Variants in CSMD1 observed in about 807,000 individuals in gnomAD.
CSMD1 encodes CUB and sushi domain-containing protein 1.
In CSMD1, 213 loss-of-function variants were observed where a neutral mutation model predicts 417.5. That is an observed-to-expected ratio of 0.51 (90% CI 0.46 to 0.57). The LOEUF (loss-of-function observed/expected upper bound fraction) is 0.57, where lower values mean the gene tolerates loss of function less well. CSMD1 is among the 20% of genes least tolerant of loss of function. The pLI is 0.00. For missense variants in CSMD1, 6,923 were observed against 4,529.7 expected (o/e 1.53, Z -15.17); for synonymous variants, 2,862 against 1,736.8 (o/e 1.65, Z -16.11).
intron 10 of CSMD1, among the ~76,000 whole-genome samples, chr8:3,512,018 C>T (rs972258364): frequency 6.6e-6 from 1 of 152,028 alleles, no homozygotes; most frequent in Non-Finnish European, 1.5e-5. Flanking sequence ...TCTCCAGGCC[C>T]CGCTCCCTGG....
chr8:4,573,340 C>T (rs1048247643), intron 2 of CSMD1, among the ~76,000 whole-genome samples: 1 of 152,228 alleles, frequency 6.6e-6, no homozygotes, highest in Admixed American at 6.5e-5. Context: ...GACGCTATTC[C>T]TCTCTGCTTG....
At chr8:4,101,900 C>T (rs371983229) in intron 3 of CSMD1, among the ~76,000 whole-genome samples, 2 of 152,156 alleles carry the variant, frequency 1.3e-5, no homozygotes, top group South Asian at 2.1e-4. Flanking sequence ...ACTATCTCTC[C>T]TAATAATGTA....
chr8:4,103,115 C>G (rs1014102996), intron 3 of CSMD1, among the ~76,000 whole-genome samples: 1 of 152,092 alleles, frequency 6.6e-6, no homozygotes, highest in Non-Finnish European at 1.5e-5. Context: ...GATTCTATCT[C>G]TGAACACGAG....
At chr8:4,415,898 C>T (rs1314245864) in intron 3 of CSMD1, among the ~76,000 whole-genome samples, 1 of 152,158 alleles carries the variant, frequency 6.6e-6, no homozygotes, top group Non-Finnish European at 1.5e-5. Flanking sequence ...AGGATTGCAA[C>T]TTCTGTAGAT....
At chr8:3,885,557 A>T (rs1806505081) in intron 5 of CSMD1, among the ~76,000 whole-genome samples, 1 of 152,156 alleles carries the variant, frequency 6.6e-6, no homozygotes. Flanking sequence ...CTGTTGCTCC[A>T]CCTAGTAATG....
At chr8:3,355,365 C>T (rs564268546) in intron 21 of CSMD1, among the ~76,000 whole-genome samples, 1 of 152,192 alleles carries the variant, frequency 6.6e-6, no homozygotes, top group Non-Finnish European at 1.5e-5. Context: ...CATATATACT[C>T]TCTAACTTTG....
intron 1 of CSMD1, among the ~76,000 whole-genome samples, chr8:4,923,723 T>G (rs1806657129): frequency 6.6e-6 from 1 of 152,086 alleles, no homozygotes; most frequent in Non-Finnish European, 1.5e-5. Context: ...GTTAGCATGA[T>G]TACAGAAATT....
intron 12 of CSMD1, among the ~76,000 whole-genome samples, chr8:3,434,399 G>A (rs1814416827): frequency 6.6e-6 from 1 of 152,120 alleles, no homozygotes. Context: ...CTGAGCATTT[G>A]TAAAGAGTTC....
intron 12 of CSMD1, among the ~76,000 whole-genome samples, chr8:3,456,812 CA>C (rs1356116470): frequency 6.6e-6 from 1 of 152,042 alleles, no homozygotes; most frequent in Non-Finnish European, 1.5e-5. Flanking sequence ...TACTAAAGGC[CA>C]GGGGTATTCA....
intron 6 of CSMD1, among the ~76,000 whole-genome samples, chr8:3,748,012 T>C (rs551021081): frequency 6.6e-6 from 1 of 152,214 alleles, no homozygotes; most frequent in East Asian, 1.9e-4. Context: ...TTCTATTTTA[T>C]AAAACAAGGT....
At chr8:4,292,029 G>C (rs1200320441) in intron 3 of CSMD1, among the ~76,000 whole-genome samples, 3 of 152,040 alleles carry the variant, frequency 2.0e-5, no homozygotes, top group African/African-American at 7.2e-5. Context: ...TTATTACCTA[G>C]TTACTTTAAT....
chr8:4,950,745 A>G (rs897594886), intron 1 of CSMD1, among the ~76,000 whole-genome samples: 2 of 152,176 alleles, frequency 1.3e-5, no homozygotes, highest in South Asian at 2.1e-4. Flanking sequence ...TTCAAACAAT[A>G]TAGCATTATT....
At chr8:3,680,415 G>A (rs180854694) in intron 7 of CSMD1, among the ~76,000 whole-genome samples, 72 of 152,232 alleles carry the variant, frequency 4.7e-4, no homozygotes, top group African/African-American at 8.2e-4. Flanking sequence ...ACACCTCTAC[G>A]CAAATGAACT....
At chr8:3,963,026 T>C (rs988945232) in intron 5 of CSMD1, among the ~76,000 whole-genome samples, 27 of 152,116 alleles carry the variant, frequency 1.8e-4, no homozygotes, top group Admixed American at 7.2e-4. Flanking sequence ...AACCTCTGCC[T>C]CCGAGGTTCA....
chr8:2,942,253 T>A (rs948542239), intron 69 of CSMD1, among the ~76,000 whole-genome samples: 1 of 151,670 alleles, frequency 6.6e-6, no homozygotes, highest in Non-Finnish European at 1.5e-5. Flanking sequence ...GGTTGATCCA[T>A]GCAGCAGACC....
intron 42 of CSMD1, among the ~76,000 whole-genome samples, chr8:3,116,084 C>G (rs1816849307): frequency 6.6e-6 from 1 of 152,176 alleles, no homozygotes; most frequent in African/African-American, 2.4e-5. Flanking sequence ...CCTCCGCATT[C>G]TTATGAAGCA....
intron 10 of CSMD1, among the ~76,000 whole-genome samples, chr8:3,511,426 G>A (rs144814727): frequency 1.2e-4 from 18 of 151,654 alleles, no homozygotes; most frequent in African/African-American, 2.2e-4. Context: ...GAAATGATCT[G>A]TACCTATCCT....
intron 1 of CSMD1, among the ~76,000 whole-genome samples, chr8:4,930,476 G>A (rs1442581144): frequency 6.6e-6 from 1 of 152,086 alleles, no homozygotes; most frequent in Non-Finnish European, 1.5e-5. Context: ...AGTTTACTCA[G>A]CACAGCTGTG....
intron 3 of CSMD1, among the ~76,000 whole-genome samples, chr8:4,165,675 T>A (rs1178887765): frequency 6.6e-6 from 1 of 152,212 alleles, no homozygotes; most frequent in Non-Finnish European, 1.5e-5. Flanking sequence ...AGTGCCGGAA[T>A]TACAGGCGTG....
Sources: gnomAD v4.1 joint callset for allele counts (sites outside exome capture counted in the v4.1 genomes callset) on GRCh38, gnomAD v4.1.1 for gene constraint, MANE v1.5 for transcripts, NCBI Gene and HGNC (gene_info 2026-07-23, HGNC 2026-07-21) for gene names.